NBEA: variants seen among roughly 807,000 people sequenced by gnomAD.
NBEA encodes the protein neurobeachin.
A neutral mutation model predicts 343.4 loss-of-function variants in NBEA; 44 were observed. The observed-to-expected ratio is 0.13, with a 90% CI of 0.10 to 0.16. The LOEUF (loss-of-function observed/expected upper bound fraction) is 0.16. Among genes scored for constraint, NBEA ranks in the 10% least tolerant of loss-of-function variants. The pLI is 1.00. For synonymous variants in NBEA, 1,175 were observed against 1,238.7 expected (o/e 0.95, Z 1.08); for missense variants, 2,555 against 3,631.3 (o/e 0.70, Z 7.62).
intron 39 of NBEA, among the ~76,000 whole-genome samples, chr13:35,437,655 A>G (rs907738411): frequency 1.2e-4 from 18 of 152,190 alleles, no homozygotes; most frequent in Admixed American, 9.2e-4. Flanking sequence ...TTCTAATAGT[A>G]AAATCTCATA....
At chr13:35,615,344 T>TA (rs2082694465) in intron 48 of NBEA, among the ~76,000 whole-genome samples, 1 of 150,128 alleles carries the variant, frequency 6.7e-6, no homozygotes, top group Non-Finnish European at 1.5e-5. Flanking sequence ...CCCATTGAGG[T>TA]AAAAATATAT....
chr13:35,161,852 C>G lies in NBEA; in HGVS notation c.3964C>G (p.Pro1322Ala). The change falls in exon 23 of 59, where the codon CCA becomes GCA. Residue 1322 changes from proline (P) to alanine (A), a missense_variant. By Grantham distance (27) the Pro-to-Ala change is conservative. This residue lies in a region of NBEA where 69 missense variants were observed against 128.8 expected (regional missense o/e 0.54). Coordinates refer to ENST00000379939, the MANE Select transcript of NBEA (RefSeq NM_001385012.1). Reference protein sequence around the residue: ...MTEEQRRQFSPGPRTTMFRIP... With the variant: ...MTEEQRRQFSAGPRTTMFRIP... ...TGAGGAACAGCGACGCCAGTTTAGC[C>G]CAGGTCCACGGACTACAATGTTTCG... 1 of 1,609,944 alleles carries G rather than the reference C, an allele frequency of 6.2e-7. No individual in the cohort carries two copies. The highest frequency in any genetic ancestry group is 8.5e-7 in the Non-Finnish European group (1 of 1,178,178).
chr13:35,281,932 AG>A (rs2035078142), intron 34 of NBEA, among the ~76,000 whole-genome samples: 1 of 152,002 alleles, frequency 6.6e-6, no homozygotes, highest in Admixed American at 6.6e-5. Context: ...ATTTATTTTG[AG>A]ACGGAGTCTT....
chr13:35,108,969 G>T (rs1458849250), intron 11 of NBEA, among the ~76,000 whole-genome samples: 1 of 151,914 alleles, frequency 6.6e-6, no homozygotes, highest in African/African-American at 2.4e-5. Context: ...ATCTCTTCTT[G>T]TATGTCAATT....
intron 12 of NBEA, among the ~76,000 whole-genome samples, chr13:35,110,239 A>G: frequency 7.1e-6 from 1 of 141,482 alleles, no homozygotes. Context: ...GCAGCCAAAA[A>G]ACACATGAAG....
chr13:35,574,756 G>A (rs1043315012), intron 45 of NBEA, among the ~76,000 whole-genome samples: 2 of 144,390 alleles, frequency 1.4e-5, no homozygotes, highest in African/African-American at 5.2e-5. Context: ...AGTGCCAATA[G>A]ATTTTTTTTT....
chr13:35,568,903 T>C (rs1188487344), intron 45 of NBEA, among the ~76,000 whole-genome samples: 1 of 152,212 alleles, frequency 6.6e-6, no homozygotes, highest in African/African-American at 2.4e-5. Flanking sequence ...AAATCCTAAT[T>C]CTGCCATTTA....
rs192705200 is a variant in NBEA at position 35,051,371 on chromosome 13, C to T, written c.972+976C>T. ...GAGGGGGAGATCTTTATTTCTTTTT[C>T]GTATCTTTTTTGTTTGTTGTTGCTT... is the stretch of plus-strand genomic sequence containing the variant. On this transcript the variant is annotated intron_variant, in intron 6 of 58. Coordinates refer to ENST00000379939, the MANE Select transcript of NBEA (RefSeq NM_001385012.1). Among the ~76,000 whole-genome samples, 573 of 149,804 alleles carry T rather than the reference C, an allele frequency of 3.8e-3. 3 individuals are homozygous for T. The highest frequency in any genetic ancestry group is 0.014 in the African/African-American group (549 of 40,290).
intron 31 of NBEA, among the ~76,000 whole-genome samples, chr13:35,198,811 C>A (rs1423441152): frequency 6.6e-6 from 1 of 151,622 alleles, no homozygotes; most frequent in Non-Finnish European, 1.5e-5. Flanking sequence ...ACAGAAGCGG[C>A]CTTGCACTGC....
Position 35,550,503 on chromosome 13 carries a change from C to T in NBEA, c.6612C>T (p.His2204=), listed in dbSNP as rs369263902. The part of the protein sequence containing the change: ...TKVLAYTEGL[H]GKWMFSEIRA... Reference sequence around the variant, plus strand: ...TTCTTGCATACACTGAGGGACTTCACGGAAAATGGATGTTCAGCGAGATAC... The same window carrying T: ...TTCTTGCATACACTGAGGGACTTCATGGAAAATGGATGTTCAGCGAGATAC... Residue 2204 remains histidine, a synonymous_variant, in exon 42 of 59, where the codon CAC becomes CAT. Coordinates refer to ENST00000379939, the MANE Select transcript of NBEA (RefSeq NM_001385012.1). 7.4e-6 allele frequency: 12 copies of T among 1,612,126 alleles called. No homozygotes were observed. Among genetic ancestry groups the T allele is most frequent in the African/African-American group, 4.0e-5 (3 of 74,856 alleles).
intron 36 of NBEA, among the ~76,000 whole-genome samples, chr13:35,340,374 A>G (rs1053076475): frequency 6.6e-6 from 1 of 152,142 alleles, no homozygotes; most frequent in East Asian, 1.9e-4. Flanking sequence ...CAAATACTGC[A>G]TGATTCCACT....
At chr13:35,194,942 T>C (rs946369210) in intron 30 of NBEA, among the ~76,000 whole-genome samples, 1 of 152,114 alleles carries the variant, frequency 6.6e-6, no homozygotes, top group South Asian at 2.1e-4. Context: ...TGAGCATGAG[T>C]ATTCCAAAAT....
chr13:35,487,743 T>G (rs2152971188), intron 41 of NBEA, among the ~76,000 whole-genome samples: 1 of 152,104 alleles, frequency 6.6e-6, no homozygotes, highest in South Asian at 2.1e-4. Context: ...TGAATAGTAT[T>G]ATCCCTTTAA....
At chr13:35,320,898 T>G (rs892162683) in intron 36 of NBEA, among the ~76,000 whole-genome samples, 7 of 152,038 alleles carry the variant, frequency 4.6e-5, no homozygotes. Context: ...TTGATACTTG[T>G]GTATGCTTCA....
At chr13:35,451,720 G>T (rs923852605) in intron 39 of NBEA, among the ~76,000 whole-genome samples, 1 of 152,206 alleles carries the variant, frequency 6.6e-6, no homozygotes, top group African/African-American at 2.4e-5. Flanking sequence ...AAGAAAATAA[G>T]TTTGGGGTGA....
intron 28 of NBEA, chr13:35,179,675 A>G (rs2071173128): frequency 5.2e-6 from 3 of 582,156 alleles, no homozygotes; most frequent in South Asian, 7.6e-5. Context: ...TCATTCATTC[A>G]TTCCACACAT....
chr13:35,118,030 A>G (rs1490161659), intron 14 of NBEA, among the ~76,000 whole-genome samples, 198 bp from the exon 15 acceptor site: 20 of 152,002 alleles, frequency 1.3e-4, no homozygotes, highest in Admixed American at 1.3e-3. Flanking sequence ...GACTTTTAAA[A>G]ATTGATATAA....
At chr13:35,634,315 C>T (rs1020870753) in intron 49 of NBEA, among the ~76,000 whole-genome samples, 1 of 152,132 alleles carries the variant, frequency 6.6e-6, no homozygotes, top group African/African-American at 2.4e-5. Context: ...TGCACTCCAG[C>T]CTGGGCGACA....
intron 1 of NBEA, among the ~76,000 whole-genome samples, chr13:34,966,634 T>TTCTC (rs1169542246): frequency 2.0e-5 from 3 of 149,924 alleles, no homozygotes; most frequent in Non-Finnish European, 3.0e-5. Flanking sequence ...TTTTTTTTTT[T>TTCTC]TCTCTCTCTC....
Sources: gnomAD v4.1 joint callset for allele counts (sites outside exome capture counted in the v4.1 genomes callset) on GRCh38, gnomAD v4.1.1 for gene constraint, gnomAD v4.1.1 regional missense constraint, MANE v1.5 for transcripts, NCBI Gene and HGNC (gene_info 2026-07-23, HGNC 2026-07-21) for gene names.